ENPP2: variants seen among roughly 807,000 people sequenced by gnomAD.
ENPP2 encodes the protein ectonucleotide pyrophosphatase/phosphodiesterase 2.
In ENPP2, 51 loss-of-function variants were observed where a neutral mutation model predicts 120.2. That is an observed-to-expected ratio of 0.42 (90% confidence interval 0.34 to 0.54). ENPP2 has a LOEUF of 0.54. ENPP2 is among the 20% of genes least tolerant of loss of function. The pLI is 0.04. For missense variants in ENPP2, 920 were observed against 1,066.5 expected, an observed-to-expected ratio of 0.86 and a Z score of 1.91; for synonymous variants, 365 against 366.4, an observed-to-expected ratio of 1.00 and a Z score of 0.04.
At chr8:119,592,473 CAAAA>C (rs61330053) in intron 12 of ENPP2, among the ~76,000 whole-genome samples, 1 of 54,940 alleles carries the variant, frequency 1.8e-5, no homozygotes, top group East Asian at 5.2e-4. Context: ...AACTCCACCT[CAAAA>C]AAAAAAAAAA....
At chr8:119,626,501 A>T in intron 3 of ENPP2, 64 bp downstream of exon 3, 1 of 1,409,632 alleles carries the variant, frequency 7.1e-7, no homozygotes, top group Non-Finnish European at 1.0e-6. Context: ...TCCAGGATGC[A>T]TACAATAGCA....
intron 1 of ENPP2, among the ~76,000 whole-genome samples, chr8:119,646,008 G>T (rs1050599340): frequency 6.7e-6 from 1 of 150,264 alleles, no homozygotes; most frequent in Non-Finnish European, 1.5e-5. Flanking sequence ...CACTCTTGTT[G>T]CCCAGGCTGG....
At chr8:119,630,259 C>G (rs950761037) in intron 2 of ENPP2, among the ~76,000 whole-genome samples, 1 of 152,078 alleles carries the variant, frequency 6.6e-6, no homozygotes, top group Non-Finnish European at 1.5e-5. Context: ...GAGGCACCCA[C>G]CACCATGTCC....
intron 9 of ENPP2, among the ~76,000 whole-genome samples, chr8:119,605,428 A>ATGTGTGTGTGTGTGTGTGTGTG (rs557037737): frequency 1.5e-5 from 2 of 135,462 alleles, no homozygotes; most frequent in East Asian, 2.2e-4. Context: ...AAGATACCAT[A>ATGTGTGTGTGTGTGTGTGTGTG]TATGTGTGTG....
At position 119,623,095 on chromosome 8, in the gene ENPP2, T is replaced by C. The variant is rs1025517561; in HGVS notation, c.293-1576A>G. The stretch of plus-strand genomic sequence containing the variant: ...AAAATATGTGATAAGTGGAAAGAAA[T>C]GATTTTTAAAGCAATCCTGCCTCTT... On this transcript the variant is annotated intron_variant, in intron 3 of 24. Coordinates refer to ENST00000075322, the MANE Select transcript of ENPP2 (RefSeq NM_001040092.3). Among the ~76,000 whole-genome samples the C allele has an allele frequency of 3.9e-5, 6 of 152,170 alleles. No individual in the cohort carries two copies. The South Asian group carries it at 1.2e-3, about 32-fold the overall frequency.
Position 119,619,254 on chromosome 8 carries a change from A to G in ENPP2, c.469T>C (p.Cys157Arg). 1 of 1,611,238 alleles carries G rather than the reference A, an allele frequency of 6.2e-7. No individual in the cohort carries two copies. Among genetic ancestry groups the G allele is most frequent in the Non-Finnish European group, 8.5e-7 (1 of 1,177,502 alleles). Residue 157 changes from cysteine to arginine, a missense_variant, in exon 5 of 25, where the codon TGC becomes CGC. Coordinates refer to ENST00000075322, the MANE Select transcript of ENPP2 (RefSeq NM_001040092.3). The part of the protein sequence containing the change: ...DDCEEIKAAE[C>R]PAGFVRPPLI... ...ATAAAATACACTTACCCTGCAGGGC[A>G]TTCTGCGGCCTTTATTTCCTCACAG... is the stretch of plus-strand genomic sequence containing the variant.
At chr8:119,648,645 C>T (rs748187875) in intron 1 of ENPP2, among the ~76,000 whole-genome samples, 13 of 152,214 alleles carry the variant, frequency 8.5e-5, no homozygotes, top group Non-Finnish European at 1.3e-4. Flanking sequence ...AGGGAGGAAG[C>T]AAAACTGCCA....
chr8:119,603,622 ACATTTAGAATAGTGAAAAG>A (rs1814473463), intron 9 of ENPP2, among the ~76,000 whole-genome samples: 1 of 152,214 alleles, frequency 6.6e-6, no homozygotes, highest in South Asian at 2.1e-4. Flanking sequence ...AAAAGAGAAT[ACATTTAGAATAGTGAAAAG>A]CATTTAGAAT....
intron 2 of ENPP2, among the ~76,000 whole-genome samples, chr8:119,627,869 T>A (rs201770239): frequency 1.2e-5 from 1 of 82,404 alleles, no homozygotes; most frequent in East Asian, 2.2e-4. Context: ...CTTAAAAATA[T>A]ATATATATAT....
At chr8:119,617,381 C>T (rs1191451706) in intron 6 of ENPP2, 85 bp downstream of exon 6, 74 of 1,131,552 alleles carry the variant, frequency 6.5e-5, no homozygotes, top group Non-Finnish European at 9.6e-5. Context: ...AACTACGTGC[C>T]CATAGATCTC....
intron 1 of ENPP2, among the ~76,000 whole-genome samples, chr8:119,659,333 A>AC (rs1404697980): frequency 6.6e-6 from 1 of 151,206 alleles, no homozygotes; most frequent in East Asian, 1.9e-4. Flanking sequence ...AAAAAAAAAA[A>AC]AAAACCAGAG....
At chr8:119,629,392 T>C (rs942598829) in intron 2 of ENPP2, among the ~76,000 whole-genome samples, 7 of 152,196 alleles carry the variant, frequency 4.6e-5, no homozygotes, top group Admixed American at 2.6e-4. Flanking sequence ...ATGTTTTACT[T>C]TTAAAATCAA....
chr8:119,586,110 G>T, intron 15 of ENPP2, 76 bp downstream of exon 15: 1 of 1,469,174 alleles, frequency 6.8e-7, no homozygotes, highest in Non-Finnish European at 9.4e-7. Context: ...TGATGACTAA[G>T]GATGATAAAA....
intron 1 of ENPP2, among the ~76,000 whole-genome samples, chr8:119,644,621 T>TATAC: frequency 9.6e-6 from 1 of 104,498 alleles, no homozygotes; most frequent in Admixed American, 1.0e-4. Flanking sequence ...TATATATATA[T>TATAC]ATATACACAC....
At position 119,621,453 on chromosome 8, in the gene ENPP2, CAGT is replaced by C. The variant is rs1815888850; in HGVS notation, c.356_358del (p.His119_Cys120delinsArg). 6.2e-7 allele frequency: 1 copy of C among 1,613,238 alleles called. No homozygotes were observed. Among genetic ancestry groups the C allele is most frequent in the Admixed American group, 1.7e-5 (1 of 59,994 alleles). ...TCCCCTGGCCAAGCAGTCCTCTGAG[CAGT>C]GACAGGCATTTTCTTCATTTCTGAC... On this transcript the variant is annotated inframe_deletion, in exon 4 of 25. Coordinates refer to ENST00000075322, the MANE Select transcript of ENPP2 (RefSeq NM_001040092.3).
At chr8:119,628,416 A>C (rs2130787033) in intron 2 of ENPP2, among the ~76,000 whole-genome samples, 1 of 152,308 alleles carries the variant, frequency 6.6e-6, no homozygotes, top group Non-Finnish European at 1.5e-5. Flanking sequence ...ATATTTGCAA[A>C]AGTTTGCCAA....
rs764085938 is a variant in ENPP2, at chr8:119,562,839, C to A, written c.2421+18G>T. 1 of 1,610,984 alleles carries A rather than the reference C, an allele frequency of 6.2e-7. No individual in the cohort carries two copies. Among genetic ancestry groups the A allele is most frequent in the Non-Finnish European group, 8.5e-7 (1 of 1,178,382 alleles). On this transcript the variant is annotated intron_variant, in intron 24 of 24. Transcript: ENST00000075322. ...AACTATGGAAGCAAATCCTAAAGGA[C>A]TCTCTCTGTAAACTCACATTGCAGC...
intron 5 of ENPP2, among the ~76,000 whole-genome samples, 157 bp from the exon 6 acceptor site, chr8:119,617,720 G>A (rs954372798): frequency 2.6e-5 from 4 of 152,088 alleles, no homozygotes; most frequent in African/African-American, 4.8e-5. Context: ...AGTCCGAGGC[G>A]GGCTGATCAC....
chr8:119,562,958 T>G lies in ENPP2; in HGVS notation c.2320A>C (p.Ser774Arg). ...GCAGGCTGAGTGAAATCCAGACAGC[T>G]GGTGATGATGCTGTAGTAGTGAGTT... ...VPTHYYSIIT[S>R]CLDFTQPADK... Residue 774 changes from serine (S) to arginine (R), a missense_variant, in exon 24 of 25, where the codon AGC becomes CGC. Physicochemically the swap from Ser to Arg is moderately radical, Grantham distance 110. Transcript: ENST00000075322. 6.2e-7 allele frequency: 1 copy of G among 1,613,960 alleles called. No homozygotes were observed. Among genetic ancestry groups the G allele is most frequent in the Non-Finnish European group, 8.5e-7 (1 of 1,179,828 alleles).
Sources: gnomAD v4.1 joint callset for allele counts (sites outside exome capture counted in the v4.1 genomes callset) on GRCh38, gnomAD v4.1.1 for gene constraint, MANE v1.5 for transcripts, NCBI Gene and HGNC (gene_info 2026-07-23, HGNC 2026-07-21) for gene names.